IL1RAPL1: variants seen among roughly 807,000 people sequenced by gnomAD.
IL1RAPL1 encodes the protein interleukin-1 receptor accessory protein-like 1.
A neutral mutation model predicts 48.4 loss-of-function variants in IL1RAPL1; 3 were observed. That is an observed-to-expected ratio of 0.06 (90% confidence interval 0.03 to 0.16). The LOEUF (loss-of-function observed/expected upper bound fraction) is 0.16. Among genes scored for constraint, IL1RAPL1 ranks in the 10% least tolerant of loss-of-function variants. The pLI is 1.00. For synonymous variants in IL1RAPL1, 185 were observed against 187.7 expected, an observed-to-expected ratio of 0.99 and a Z score of 0.12; for missense variants, 349 against 530.6, an observed-to-expected ratio of 0.66 and a Z score of 3.36.
rs34772423 is a variant in IL1RAPL1 at position 28,892,343 on chromosome X, CT to C, written c.82+102923del. ...GGTCAGAAGGTGCTCAGTGGGGGAG[CT>C]TTTTGAGCCAGGATGAGCCAGGAGA... On this transcript the variant is annotated intron_variant, in intron 2 of 10. Coordinates refer to ENST00000378993, the MANE Select transcript of IL1RAPL1 (RefSeq NM_014271.4). Among the ~76,000 whole-genome samples the C allele has an allele frequency of 2.7e-5, 3 of 109,393 alleles. No homozygotes were observed. The South Asian group carries it at 1.2e-3, about 44-fold the overall frequency. The allele number at this position is 109,393 out of a possible 115,157, so 95.0% of individuals were successfully genotyped here.
At chrX:28,944,847 G>A (rs1924254834) in intron 2 of IL1RAPL1, among the ~76,000 whole-genome samples, 1 of 109,219 alleles carries the variant, frequency 9.2e-6, no homozygotes, top group South Asian at 3.8e-4. Context: ...ATTAAAAAAA[G>A]TCATAGCATG....
intron 5 of IL1RAPL1, chrX:29,574,227 A>G (rs1347824976): frequency 2.7e-5 from 3 of 109,170 alleles, no homozygotes; most frequent in Non-Finnish European, 5.7e-5. Flanking sequence ...TCTCCTGAGA[A>G]CTTACTCACT....
intron 1 of IL1RAPL1, among the ~76,000 whole-genome samples, chrX:28,752,793 T>C (rs189185574): frequency 1.2e-3 from 132 of 109,330 alleles, no homozygotes; most frequent in African/African-American, 4.3e-3. Flanking sequence ...CTGGTACAGC[T>C]TCACCTGTAT....
chrX:28,836,366 CAGAGAGAGAGAGAG>C (rs764336117), intron 2 of IL1RAPL1, among the ~76,000 whole-genome samples: 2 of 91,798 alleles, frequency 2.2e-5, no homozygotes, highest in African/African-American at 8.5e-5. Context: ...ATATATATGA[CAGAGAGAGAGAGAG>C]AGAGAGACAG....
chrX:29,306,245 G>C (rs777805258), intron 3 of IL1RAPL1, among the ~76,000 whole-genome samples: 8 of 111,749 alleles, frequency 7.2e-5, no homozygotes, highest in Admixed American at 4.7e-4. Flanking sequence ...TGATATTTAT[G>C]GGGGGCCGGG....
At chrX:29,312,883 C>T (rs1602165155) in intron 3 of IL1RAPL1, among the ~76,000 whole-genome samples, 1 of 111,008 alleles carries the variant, frequency 9.0e-6, no homozygotes. Flanking sequence ...TAAGGGGTTT[C>T]GGCTTTCGCT....
chrX:29,897,134 G>C (rs780429380), intron 6 of IL1RAPL1, among the ~76,000 whole-genome samples: 4 of 112,421 alleles, frequency 3.6e-5, no homozygotes, highest in African/African-American at 1.3e-4. Flanking sequence ...AGTGAAGGAA[G>C]TTATGTAGAA....
At chrX:29,517,414 C>G (rs1348273835) in intron 5 of IL1RAPL1, among the ~76,000 whole-genome samples, 1 of 110,365 alleles carries the variant, frequency 9.1e-6, no homozygotes, top group African/African-American at 3.3e-5. Context: ...CATGCATAAA[C>G]TACCTTTTCT....
chrX:29,586,753 C>G (rs1042161832), intron 5 of IL1RAPL1, among the ~76,000 whole-genome samples: 9 of 110,654 alleles, frequency 8.1e-5, no homozygotes, highest in Non-Finnish European at 1.3e-4. Flanking sequence ...CTTTTGCCTC[C>G]TTAAGTTTAT....
At chrX:29,944,745 C>T (rs1190495381) in intron 9 of IL1RAPL1, among the ~76,000 whole-genome samples, 1 of 111,343 alleles carries the variant, frequency 9.0e-6, no homozygotes, top group Non-Finnish European at 1.9e-5. Context: ...TCACCTGGTG[C>T]ATATGCCATC....
chrX:29,212,079 C>G (rs756969460), intron 2 of IL1RAPL1, among the ~76,000 whole-genome samples: 13 of 111,345 alleles, frequency 1.2e-4, no homozygotes, highest in Non-Finnish European at 1.9e-4. Context: ...GAACTCCTGT[C>G]CCCCCGCAAA....
intron 1 of IL1RAPL1, among the ~76,000 whole-genome samples, chrX:28,681,087 T>G (rs774929534): frequency 8.9e-6 from 1 of 111,922 alleles, no homozygotes; most frequent in African/African-American, 3.2e-5. Context: ...TGATTGAATC[T>G]CCTTATTTGT....
chrX:28,887,599 ATT>A (rs1292225295), intron 2 of IL1RAPL1, among the ~76,000 whole-genome samples: 1 of 111,154 alleles, frequency 9.0e-6, no homozygotes, highest in Non-Finnish European at 1.9e-5. Flanking sequence ...CATCCTATGC[ATT>A]TGTTATTTCT....
intron 2 of IL1RAPL1, among the ~76,000 whole-genome samples, chrX:29,138,888 G>A (rs1929188812): frequency 9.0e-6 from 1 of 111,175 alleles, no homozygotes; most frequent in Non-Finnish European, 1.9e-5. Flanking sequence ...TATAATTTGT[G>A]TTTGAATTAT....
intron 2 of IL1RAPL1, among the ~76,000 whole-genome samples, chrX:29,251,306 T>C (rs1335564006): frequency 9.0e-6 from 1 of 111,705 alleles, no homozygotes; most frequent in African/African-American, 3.3e-5. Flanking sequence ...TTTAAGGCAC[T>C]GTTCTAGGGA....
chrX:29,556,739 T>A, intron 5 of IL1RAPL1, among the ~76,000 whole-genome samples: 1 of 111,332 alleles, frequency 9.0e-6, no homozygotes, highest in South Asian at 3.7e-4. Context: ...TTTTGAAAAG[T>A]GTAATAGGTT....
intron 1 of IL1RAPL1, among the ~76,000 whole-genome samples, chrX:28,648,122 C>T (rs1409631127): frequency 9.0e-6 from 1 of 111,264 alleles, no homozygotes; most frequent in Admixed American, 9.6e-5. Context: ...CGTTCCTGCA[C>T]TTGCGAATTG....
intron 2 of IL1RAPL1, among the ~76,000 whole-genome samples, chrX:28,955,588 G>T (rs1386090735): frequency 9.3e-6 from 1 of 107,837 alleles, no homozygotes; most frequent in Non-Finnish European, 1.9e-5. Flanking sequence ...TCAGATAGTT[G>T]TAGATATGCG....
At chrX:29,864,079 C>A (rs1931645781) in intron 6 of IL1RAPL1, among the ~76,000 whole-genome samples, 1 of 112,408 alleles carries the variant, frequency 8.9e-6, no homozygotes, top group South Asian at 3.7e-4. Context: ...GCCACCGTGC[C>A]CAGCTGCACA....
Sources: allele counts gnomAD v4.1 joint callset (sites outside exome capture counted in the v4.1 genomes callset), GRCh38; gene constraint gnomAD v4.1.1; transcripts MANE v1.5; gene names NCBI Gene and HGNC (gene_info 2026-07-23, HGNC 2026-07-21).